RAB11FIP4: variants seen among roughly 807,000 people sequenced by gnomAD.
RAB11FIP4 encodes the protein rab11 family-interacting protein 4.
Under a neutral mutation model 74.3 loss-of-function variants are expected in RAB11FIP4, and 23 were observed. That is an observed-to-expected ratio of 0.31 (90% CI 0.22 to 0.44). RAB11FIP4 has a LOEUF of 0.44. RAB11FIP4 is among the 20% of genes least tolerant of loss of function. RAB11FIP4 has a pLI of 1.00. For synonymous variants in RAB11FIP4, 360 were observed against 359.9 expected (o/e 1.00, Z 0.00); for missense variants, 630 against 863.9 (o/e 0.73, Z 3.39).
At chr17:31,523,221 G>A in intron 7 of RAB11FIP4, 1 of 455,290 alleles carries the variant, frequency 2.2e-6, no homozygotes. Flanking sequence ...TCACTGGGTA[G>A]CTGCAGGCCA....
At chr17:31,478,012 T>TC (rs2071811420) in intron 3 of RAB11FIP4, among the ~76,000 whole-genome samples, 1 of 151,364 alleles carries the variant, frequency 6.6e-6, no homozygotes. Flanking sequence ...TTTTTTTTTT[T>TC]TTGAGACAGA....
chr17:31,432,363 T>A lies in RAB11FIP4; in HGVS notation c.247+463T>A, dbSNP rs559032463. Among the ~76,000 whole-genome samples the A allele has an allele frequency of 3.6e-3, 544 of 151,682 alleles. 2 individuals are homozygous for A. The highest frequency in any genetic ancestry group is 0.012 in the African/African-American group (517 of 41,442). On this transcript the variant is annotated intron_variant, in intron 2 of 14. Transcript: ENST00000621161. ...TCCCTGCTCCCGCCTCCTCTTTTTT[T>A]TTTTTTTTTTGAGACAGGGTCTGGC...
intron 13 of RAB11FIP4, among the ~76,000 whole-genome samples, chr17:31,529,894 G>T (rs1448932743): frequency 6.6e-6 from 1 of 152,174 alleles, no homozygotes; most frequent in Non-Finnish European, 1.5e-5. Flanking sequence ...GGGCGGGTCC[G>T]CCTGGGTCAA....
intron 3 of RAB11FIP4, among the ~76,000 whole-genome samples, chr17:31,515,539 C>T (rs139255651): frequency 3.2e-4 from 48 of 151,956 alleles, no homozygotes; most frequent in African/African-American, 1.1e-3. Context: ...TAGCAGCAGA[C>T]GGCTGCACAT....
At chr17:31,500,007 T>C (rs1396538706) in intron 3 of RAB11FIP4, among the ~76,000 whole-genome samples, 1 of 152,166 alleles carries the variant, frequency 6.6e-6, no homozygotes, top group Non-Finnish European at 1.5e-5. Flanking sequence ...GTCCACATTC[T>C]CATTTGAAAA....
chr17:31,455,708 C>A (rs977795150), intron 3 of RAB11FIP4, among the ~76,000 whole-genome samples: 1 of 152,160 alleles, frequency 6.6e-6, no homozygotes, highest in Non-Finnish European at 1.5e-5. Flanking sequence ...ACTGCCTTAT[C>A]GAGCCCAGCC....
In RAB11FIP4 at chr17:31,531,944, G is replaced by A. The variant is rs966257845; in HGVS notation, c.*212G>A. ...GTGGGCAGCATCCACACGGTTAGCC[G>A]TGCATGCACTTTGTGGCCCCTTTGC... On this transcript the variant is annotated 3_prime_UTR_variant, in exon 15 of 15. Coordinates refer to ENST00000621161, the MANE Select transcript of RAB11FIP4 (RefSeq NM_032932.6). 7.5e-6 allele frequency: 4 copies of A among 531,830 alleles called. No individual in the cohort carries two copies. Among genetic ancestry groups the A allele is most frequent in the Middle Eastern group, 4.9e-4 (1 of 2,040 alleles). The allele number at this position is 531,830 out of a possible 1,614,324, so 32.9% of individuals were successfully genotyped here.
Position 31,509,880 on chromosome 17 carries a change from G to A in RAB11FIP4, c.337-7771G>A, listed in dbSNP as rs79940394. On this transcript the variant is annotated intron_variant, in intron 3 of 14. Coordinates refer to ENST00000621161, the MANE Select transcript of RAB11FIP4 (RefSeq NM_032932.6). ...CAAGGCCGAGGCACTGCCTCTGGGT[G>A]GATGCTTGAACCCCCTTTATCCCAC... 9.2e-5 allele frequency among the ~76,000 whole-genome samples: 14 copies of A among 152,282 alleles called. No homozygotes were observed. In the East Asian group the frequency reaches 2.3e-3, roughly 25 times the overall value.
At chr17:31,453,372 A>AAC (rs1567661088) in intron 3 of RAB11FIP4, among the ~76,000 whole-genome samples, 1 of 142,768 alleles carries the variant, frequency 7.0e-6, no homozygotes, top group Non-Finnish European at 1.5e-5. Context: ...AAAAAAAAAA[A>AAC]AAAAAAAACA....
At chr17:31,410,441 T>C (rs192141237) in intron 1 of RAB11FIP4, among the ~76,000 whole-genome samples, 2 of 152,226 alleles carry the variant, frequency 1.3e-5, no homozygotes, top group Admixed American at 6.5e-5. Flanking sequence ...GGGCTGGGTG[T>C]GGTGGCTCAC....
intron 3 of RAB11FIP4, among the ~76,000 whole-genome samples, chr17:31,498,863 G>A (rs887677040): frequency 6.6e-6 from 1 of 152,192 alleles, no homozygotes; most frequent in African/African-American, 2.4e-5. Flanking sequence ...TGAGTGAAGT[G>A]TTTTTATCAT....
chr17:31,490,456 T>C (rs2071987083), intron 3 of RAB11FIP4, among the ~76,000 whole-genome samples: 1 of 151,904 alleles, frequency 6.6e-6, no homozygotes, highest in African/African-American at 2.4e-5. Flanking sequence ...CCCAATGAAA[T>C]AGCAGGTGAG....
intron 3 of RAB11FIP4, among the ~76,000 whole-genome samples, chr17:31,452,857 C>T (rs2071538946): frequency 6.6e-6 from 1 of 152,204 alleles, no homozygotes; most frequent in Non-Finnish European, 1.5e-5. Flanking sequence ...TGTTTCCTCT[C>T]TGTGCACCTC....
At chr17:31,494,544 A>G (rs541011711) in intron 3 of RAB11FIP4, among the ~76,000 whole-genome samples, 1 of 152,226 alleles carries the variant, frequency 6.6e-6, no homozygotes, top group East Asian at 1.9e-4. Flanking sequence ...GTGGCAGCGG[A>G]AAAACTCCAT....
intron 3 of RAB11FIP4, among the ~76,000 whole-genome samples, chr17:31,497,418 G>A (rs1342649993): frequency 1.3e-5 from 2 of 152,164 alleles, no homozygotes; most frequent in East Asian, 1.9e-4. Context: ...TAAGGATCTC[G>A]GGGAGTGCCA....
chr17:31,455,198 A>G lies in RAB11FIP4; in HGVS notation c.336+21076A>G, dbSNP rs142847200. Among the ~76,000 whole-genome samples, 1,164 of 152,348 alleles carry G rather than the reference A, an allele frequency of 7.6e-3. 13 individuals carry two copies. The highest frequency in any genetic ancestry group is 0.026 in the African/African-American group (1,061 of 41,574). ...CCCAGGGTTTATATACAATTTTGAC[A>G]AAGGAAGATAAGTTGTGGGCAAGTA... On this transcript the variant is annotated intron_variant, in intron 3 of 14. Coordinates refer to ENST00000621161, the MANE Select transcript of RAB11FIP4 (RefSeq NM_032932.6).
At chr17:31,487,980 C>T (rs2071929245) in intron 3 of RAB11FIP4, 4 of 959,538 alleles carry the variant, frequency 4.2e-6, no homozygotes, top group Non-Finnish European at 3.7e-6. Flanking sequence ...CCGCCCCGCC[C>T]CGGCGCGAGG....
Position 31,517,798 on chromosome 17 carries a change from A to T in RAB11FIP4, c.484A>T (p.Thr162Ser), listed in dbSNP as rs1170510904. 1 of 1,555,594 alleles carries T rather than the reference A, an allele frequency of 6.4e-7. No individual in the cohort carries two copies. Among genetic ancestry groups the T allele is most frequent in the South Asian group, 1.2e-5 (1 of 84,304 alleles). Residue 162 changes from threonine to serine, a missense_variant, in exon 4 of 15, where the codon ACT becomes TCT. By Grantham distance (58) the Thr-to-Ser change is moderately conservative. Coordinates refer to ENST00000621161, the MANE Select transcript of RAB11FIP4 (RefSeq NM_032932.6). ...GTACACAGACAGCCCCATGGAGAGC[A>T]CTCAGAGCCTGGAGGGGTCTGTCGG... Reference protein sequence around the residue: ...ELYTDSPMESTQSLEGSVGSP... With the variant: ...ELYTDSPMESSQSLEGSVGSP...
intron 1 of RAB11FIP4, among the ~76,000 whole-genome samples, chr17:31,425,589 A>T (rs1024379333): frequency 6.6e-6 from 1 of 152,224 alleles, no homozygotes; most frequent in Non-Finnish European, 1.5e-5. Context: ...GTGGGGGGAA[A>T]AAATCAGCTC....
Sources: allele counts gnomAD v4.1 joint callset (sites outside exome capture counted in the v4.1 genomes callset), GRCh38; gene constraint gnomAD v4.1.1; transcripts MANE v1.5; gene names NCBI Gene and HGNC (gene_info 2026-07-23, HGNC 2026-07-21).